The following FGF12 variants were observed in gnomAD, a reference collection of about 807,000 sequenced individuals.
FGF12 encodes the protein fibroblast growth factor 12B.
FGF12 carries 14 observed loss-of-function variants against 23.6 expected under a neutral mutation model. The ratio of observed to expected loss-of-function variants is 0.59; its 90% confidence interval spans 0.39 to 0.93. The LOEUF (loss-of-function observed/expected upper bound fraction) is 0.93. Ranked by LOEUF, FGF12 falls within the 40% of genes least tolerant of loss-of-function variation. FGF12 has a pLI of 0.00. For missense variants in FGF12, 175 were observed against 217.8 expected, an observed-to-expected ratio of 0.80 and a Z score of 1.24; for synonymous variants, 62 against 77.3, an observed-to-expected ratio of 0.80 and a Z score of 1.04.
intron 5 of FGF12, among the ~76,000 whole-genome samples, chr3:192,157,078 C>T (rs1714468009): frequency 6.6e-6 from 1 of 152,158 alleles, no homozygotes; most frequent in African/African-American, 2.4e-5. Flanking sequence ...GACACAAGGA[C>T]AAGCAGGTTT....
intron 2 of FGF12, among the ~76,000 whole-genome samples, chr3:192,605,231 G>T (rs1195763661): frequency 2.0e-5 from 3 of 151,958 alleles, no homozygotes; most frequent in African/African-American, 7.3e-5. Context: ...ACAAAAATTA[G>T]CTTGGCATAG....
At chr3:192,580,638 C>T (rs1037615535) in intron 2 of FGF12, among the ~76,000 whole-genome samples, 4 of 152,160 alleles carry the variant, frequency 2.6e-5, no homozygotes, top group Non-Finnish European at 5.9e-5. Context: ...GACGGAGTCT[C>T]ATTCTGTTAC....
intron 2 of FGF12, among the ~76,000 whole-genome samples, chr3:192,467,482 G>A (rs183608566): frequency 7.2e-5 from 11 of 152,282 alleles, no homozygotes; most frequent in African/African-American, 2.2e-4. Flanking sequence ...ACTGTGCGCC[G>A]AACAGGTGAG....
At position 192,360,607 on chromosome 3, in the gene FGF12, A is replaced by T. The variant is rs1718674730; in HGVS notation, c.14-69T>A. ...AAATGCACACTTACAGATTGTTAAA[A>T]ACATCCTGTAAGTAAATACGTAAAT... is the stretch of plus-strand genomic sequence containing the variant. On this transcript the variant is annotated intron_variant, in intron 2 of 5. Transcript: ENST00000445105. This position sits in a 1 kb window ranked among gnomAD's most constrained non-coding sequence, Gnocchi z 4.3. 9.6e-7 allele frequency: 1 copy of T among 1,040,200 alleles called. No individual in the cohort carries two copies. Among genetic ancestry groups the T allele is most frequent in the African/African-American group, 1.6e-5 (1 of 63,758 alleles). 64.4% of individuals were successfully genotyped at this position (1,040,200 alleles called of 1,614,324 possible). A position where few individuals can be genotyped will look rare whatever the true frequency, so the allele number is the denominator to read the frequency against.
chr3:192,640,970 G>A (rs1482217870), intron 2 of FGF12, among the ~76,000 whole-genome samples: 1 of 151,958 alleles, frequency 6.6e-6, no homozygotes, highest in African/African-American at 2.4e-5. Flanking sequence ...ATGCCACCAT[G>A]CCCAGCTAGT....
At position 192,408,443 on chromosome 3, in the gene FGF12, C is replaced by A; in HGVS notation, c.14-47905G>T. The A allele has an allele frequency of 1.4e-6, 2 of 1,383,850 alleles. No homozygotes were observed. The highest frequency in any genetic ancestry group is 1.9e-6 in the Non-Finnish European group (2 of 1,074,968). The allele number at this position is 1,383,850 out of a possible 1,614,324, so 85.7% of individuals were successfully genotyped here. ...GTGTGAAAATCCAGATGTAAACTTCCCCAACCTCTGGCGGCCGGGGGGCGG... is the reference window on the plus strand; with the variant it reads ...GTGTGAAAATCCAGATGTAAACTTCACCAACCTCTGGCGGCCGGGGGGCGG... On this transcript the variant is annotated intron_variant, in intron 2 of 5. Coordinates refer to ENST00000445105, the MANE Select transcript of FGF12 (RefSeq NM_004113.6). The surrounding 1 kb of genome is among the most constrained non-coding windows in gnomAD (Gnocchi z 7.3).
intron 2 of FGF12, among the ~76,000 whole-genome samples, chr3:192,519,596 A>G (rs1724764322): frequency 6.6e-6 from 1 of 152,146 alleles, no homozygotes; most frequent in Admixed American, 6.6e-5. Flanking sequence ...ATGCTGTGCT[A>G]ATGTCCTATT....
chr3:192,549,701 A>C (rs992751808), intron 2 of FGF12, among the ~76,000 whole-genome samples: 10 of 152,172 alleles, frequency 6.6e-5, no homozygotes, highest in African/African-American at 2.4e-4. Context: ...CTTATCCATC[A>C]ATTGAAGACC....
At chr3:192,419,329 T>C (rs938159162) in intron 2 of FGF12, among the ~76,000 whole-genome samples, 6 of 152,124 alleles carry the variant, frequency 3.9e-5, no homozygotes, top group South Asian at 2.1e-4. Context: ...AGTTAACAAA[T>C]AGAGCTGGGG....
rs138247239 is a variant in FGF12, at chr3:192,636,192, G to T, written c.13+90989C>A. Among the ~76,000 whole-genome samples, 337 of 152,172 alleles carry T rather than the reference G, an allele frequency of 2.2e-3. 4 individuals carry two copies. The highest frequency in any genetic ancestry group is 7.9e-3 in the African/African-American group (326 of 41,512). ...CTCACCTTATATGTTATATAACTAG[G>T]AAGACACTAGATCACCCTAGATTGT... On this transcript the variant is annotated intron_variant, in intron 2 of 5. Coordinates refer to ENST00000445105, the MANE Select transcript of FGF12 (RefSeq NM_004113.6).
intron 2 of FGF12, among the ~76,000 whole-genome samples, chr3:192,371,573 A>C (rs1035712009): frequency 6.6e-6 from 1 of 152,242 alleles, no homozygotes; most frequent in African/African-American, 2.4e-5. Context: ...AGACAGAATT[A>C]ATGTAGATAG....
At chr3:192,145,830 CTTTTT>C (rs1192981080) in intron 5 of FGF12, among the ~76,000 whole-genome samples, 3 of 152,188 alleles carry the variant, frequency 2.0e-5, no homozygotes, top group African/African-American at 7.2e-5. Flanking sequence ...CTTTCTTCTT[CTTTTT>C]TTGTTTCAAC....
At chr3:192,680,361 G>A (rs1373030501) in intron 2 of FGF12, among the ~76,000 whole-genome samples, 1 of 152,234 alleles carries the variant, frequency 6.6e-6, no homozygotes, top group Non-Finnish European at 1.5e-5. Context: ...CAGGACACAA[G>A]GGGAAAGAGG....
intron 2 of FGF12, among the ~76,000 whole-genome samples, chr3:192,430,033 G>A (rs1320251333): frequency 2.0e-5 from 3 of 152,076 alleles, no homozygotes; most frequent in Non-Finnish European, 4.4e-5. Context: ...CATTTTGGAA[G>A]TATTATAATT....
At chr3:192,159,762 G>A (rs909101589) in intron 5 of FGF12, among the ~76,000 whole-genome samples, 5 of 152,162 alleles carry the variant, frequency 3.3e-5, no homozygotes, top group Admixed American at 6.5e-5. Context: ...TAGAGAGGAT[G>A]ATTTGCTATT....
At chr3:192,161,514 A>G (rs1714879259) in intron 5 of FGF12, among the ~76,000 whole-genome samples, 1 of 106,304 alleles carries the variant, frequency 9.4e-6, no homozygotes, top group South Asian at 2.7e-4. Flanking sequence ...TTACACACAC[A>G]CACACACACA....
intron 4 of FGF12, among the ~76,000 whole-genome samples, chr3:192,334,386 T>C (rs772292176): frequency 3.3e-5 from 5 of 152,094 alleles, no homozygotes; most frequent in Non-Finnish European, 5.9e-5. Context: ...CCAGCAGACA[T>C]ATGGAAACTT....
At chr3:192,447,211 G>A (rs56179958) in intron 2 of FGF12, among the ~76,000 whole-genome samples, 39,886 of 152,074 alleles carry the variant, frequency 0.26, 9,740 homozygotes, top group African/African-American at 0.65. Flanking sequence ...CTTGAAAACT[G>A]TTTAATGAAT....
rs943460232 is a variant in FGF12 at position 192,409,273 on chromosome 3, C to T, written c.14-48735G>A. ...ATGACTCAGTAGTTTAAATAAGCCCCCTCAAAAGGCAGCGATGCCGAAGGT... is the reference window on the plus strand; with the variant it reads ...ATGACTCAGTAGTTTAAATAAGCCCTCTCAAAAGGCAGCGATGCCGAAGGT... On this transcript the variant is annotated intron_variant, in intron 2 of 5. Transcript: ENST00000445105. The surrounding 1 kb of genome is among the most constrained non-coding windows in gnomAD (Gnocchi z 4.8). Among the ~76,000 whole-genome samples, 2 of 152,224 alleles carry T rather than the reference C, an allele frequency of 1.3e-5. No homozygotes were observed. Among genetic ancestry groups the T allele is most frequent in the African/African-American group, 4.8e-5 (2 of 41,468 alleles).
Sources: gnomAD v4.1 joint callset for allele counts (sites outside exome capture counted in the v4.1 genomes callset) on GRCh38, gnomAD v4.1.1 for gene constraint, Gnocchi (gnomAD v3.1) non-coding constraint, MANE v1.5 for transcripts, NCBI Gene and HGNC (gene_info 2026-07-23, HGNC 2026-07-21) for gene names.